Variants in ATAD3B observed in about 807,000 individuals in gnomAD.
ATAD3B encodes the protein ATPase family AAA domain-containing protein 3B.
A neutral mutation model predicts 70.2 loss-of-function variants in ATAD3B; 59 were observed. The observed-to-expected ratio is 0.84, with a 90% CI of 0.68 to 1.04. The LOEUF is 1.04. ATAD3B is among the 50% of genes least tolerant of loss of function. The pLI is 0.00. For missense variants in ATAD3B, 961 were observed against 913.4 expected, an observed-to-expected ratio of 1.05 and a Z score of -0.67; for synonymous variants, 423 against 388.6, an observed-to-expected ratio of 1.09 and a Z score of -1.04.
At chr1:1,498,704 G>A (rs548551441), downstream of ATAD3B, among the ~76,000 whole-genome samples, 92 of 151,300 alleles carry the variant, frequency 6.1e-4, 1 homozygote, top group African/African-American at 2.2e-3. Flanking sequence ...CACCGCGCCC[G>A]GCCTGTTTGT....
In ATAD3B at chr1:1,495,778, C is replaced by T. The variant is rs777093904; in HGVS notation, c.1908C>T (p.Gly636=). ...TGTCCCCCAGGATGTCTTGTGGTGG[C>T]GGTCGGCCGTTCTGCCCCCCAGGGC... The part of the protein sequence containing the change: ...GPLSPRMSCG[G]GRPFCPPGHP... The change falls in exon 16 of 16, where the codon GGC becomes GGT. Residue 636 remains glycine, a synonymous_variant. Transcript: ENST00000673477. 2.3e-5 allele frequency: 37 copies of T among 1,602,346 alleles called. No homozygotes were observed. Among genetic ancestry groups the T allele is most frequent in the Admixed American group, 6.8e-5 (4 of 59,046 alleles).
rs1303514252 is a variant in ATAD3B at position 1,479,088 on chromosome 1, G to A, written c.424G>A (p.Glu142Lys). ...AGACAAGCTGGCCCGGCAGCGCTAC[G>A]AGGACCAACTGAAGCAGCAGGTGAG... ...YQDKLARQRY[E>K]DQLKQQQLLN... is the part of the protein sequence containing the mutation. The change falls in exon 4 of 16, where the codon GAG (glutamate) becomes AAG (lysine). Residue 142 changes from glutamate (E) to lysine (K), a missense_variant. Glu to Lys is a moderately conservative substitution (Grantham distance 56, BLOSUM62 1). Coordinates refer to ENST00000673477, the MANE Select transcript of ATAD3B (RefSeq NM_031921.6). 4 of 1,321,168 alleles carry A rather than the reference G, an allele frequency of 3.0e-6. No individual in the cohort carries two copies. The highest frequency in any genetic ancestry group is 4.1e-6 in the Non-Finnish European group (4 of 974,478). 81.8% of individuals were successfully genotyped at this position (1,321,168 alleles called of 1,614,324 possible).
At chr1:1,480,586 C>T (rs1256368041) in intron 4 of ATAD3B, among the ~76,000 whole-genome samples, 6 of 147,588 alleles carry the variant, frequency 4.1e-5, no homozygotes, top group African/African-American at 1.5e-4. Context: ...TGAATCAGGG[C>T]AGTGGTGTTG....
intron 13 of ATAD3B, 164 bp from the exon 14 acceptor site, chr1:1,490,093 G>T (rs370172113): frequency 7.0e-7 from 1 of 1,426,730 alleles, no homozygotes; most frequent in South Asian, 1.5e-5. Context: ...AGGCAGGCGG[G>T]TGACCAGGGC....
chr1:1,499,511 C>T (rs1052099066), downstream of ATAD3B, among the ~76,000 whole-genome samples: 17 of 151,114 alleles, frequency 1.1e-4, no homozygotes, highest in Non-Finnish European at 2.2e-4. Context: ...GGATTACAGG[C>T]GTGAGCCACC....
At chr1:1,506,439 C>G in the ATAD3B span, among the ~76,000 whole-genome samples, 1 of 150,744 alleles carries the variant, frequency 6.6e-6, no homozygotes, top group Non-Finnish European at 1.5e-5. Flanking sequence ...GAGTCTCACT[C>G]TGTCACCCAG....
At chr1:1,500,935 C>G (rs371871517), downstream of ATAD3B, among the ~76,000 whole-genome samples, 1 of 152,032 alleles carries the variant, frequency 6.6e-6, no homozygotes, top group African/African-American at 2.4e-5. Flanking sequence ...GCAGCCTGGG[C>G]GACAGAGTGA....
In ATAD3B at chr1:1,490,857, T is replaced by C. The variant is rs150802031; in HGVS notation, c.1614+186T>C. Among the ~76,000 whole-genome samples, 165 of 152,140 alleles carry C rather than the reference T, an allele frequency of 1.1e-3. 3 individuals are homozygous for C. The highest frequency in any genetic ancestry group is 1.9e-3 in the Non-Finnish European group (132 of 67,944). On this transcript the variant is annotated intron_variant, in intron 15 of 15. Coordinates refer to ENST00000673477, the MANE Select transcript of ATAD3B (RefSeq NM_031921.6). ...ACTCCACGCAGCAGCGTGCACCTGC[T>C]CGTGCCCTCAGGAGGGTGGGGCCAT...
At position 1,497,828 on chromosome 1, in the gene ATAD3B, T is replaced by G. The variant is rs1640839875; in HGVS notation, c.*2011T>G. 7.0e-6 allele frequency: 1 copy of G among 143,080 alleles called. No homozygotes were observed. The highest frequency in any genetic ancestry group is 1.5e-5 in the Non-Finnish European group (1 of 66,972). The allele number at this position is 143,080 out of a possible 1,614,324, so 8.9% of individuals were successfully genotyped here. A position where few individuals can be genotyped will look rare whatever the true frequency, so the allele number is the denominator to read the frequency against. ...TTGCAGTGAGCCGAGATCACGCCAC[T>G]GCACTCCGGCCTGGGCAACAGAACT... On this transcript the variant is annotated 3_prime_UTR_variant, in exon 16 of 16. Transcript: ENST00000673477.
chr1:1,509,393 C>T, the ATAD3B span: 1 of 1,600,558 alleles, frequency 6.2e-7, no homozygotes, highest in Non-Finnish European at 8.5e-7. Flanking sequence ...GGCCGCGGAC[C>T]CCTCCCACCC....
chr1:1,504,323 A>C, the ATAD3B span, among the ~76,000 whole-genome samples: 1 of 151,794 alleles, frequency 6.6e-6, no homozygotes, highest in Non-Finnish European at 1.5e-5. Flanking sequence ...CGGGGTTCAC[A>C]TGTTGCCTGT....
At chr1:1,484,991 C>T (rs1226143507) in intron 7 of ATAD3B, 25 bp from the exon 8 acceptor site, 20 of 1,591,734 alleles carry the variant, frequency 1.3e-5, no homozygotes, top group Admixed American at 5.2e-5. Context: ...GGGGCCGGTG[C>T]GCCAGTGCGG....
Position 1,495,370 on chromosome 1 carries a change from C to G in ATAD3B, c.1615-115C>G, listed in dbSNP as rs966282051. The G allele has an allele frequency of 1.4e-5, 19 of 1,389,554 alleles. No homozygotes were observed. The East Asian group carries it at 1.9e-4, about 14-fold the overall frequency. The allele number at this position is 1,389,554 out of a possible 1,614,324, so 86.1% of individuals were successfully genotyped here. A position where few individuals can be genotyped will look rare whatever the true frequency, so the allele number is the denominator to read the frequency against. ...AAGGTGTGGGAAGCCTGTGTTTCAC[C>G]CTGAGGTTGTCCTGGTGCCCCTGGT... On this transcript the variant is annotated intron_variant, in intron 15 of 15. Transcript: ENST00000673477.
At chr1:1,505,829 A>G in the ATAD3B span, among the ~76,000 whole-genome samples, 2 of 152,196 alleles carry the variant, frequency 1.3e-5, no homozygotes, top group Non-Finnish European at 2.9e-5. Context: ...ATGATGAATG[A>G]TATTCATATA....
chr1:1,509,379 G>A, the ATAD3B span: 34 of 1,604,052 alleles, frequency 2.1e-5, no homozygotes, highest in Admixed American at 1.0e-4. Context: ...ACCTCACGGA[G>A]CCTGGCCGCG....
rs1470918153 is a variant in ATAD3B at position 1,496,270 on chromosome 1, C to A, written c.*453C>A. ...GGGCGCCCTAGCGTCCTCCTGGGGT[C>A]AAAGGTGACATAAGAGGCAGAGGCT... On this transcript the variant is annotated 3_prime_UTR_variant, in exon 16 of 16. Transcript: ENST00000673477. The A allele has an allele frequency of 1.0e-6, 1 of 984,236 alleles. No homozygotes were observed. Among genetic ancestry groups the A allele is most frequent in the Non-Finnish European group, 1.2e-6 (1 of 827,164 alleles). The allele number at this position is 984,236 out of a possible 1,614,324, so 61.0% of individuals were successfully genotyped here. A position where few individuals can be genotyped will look rare whatever the true frequency, so the allele number is the denominator to read the frequency against.
intron 15 of ATAD3B, among the ~76,000 whole-genome samples, chr1:1,493,831 TTTG>T (rs1175449227): frequency 6.6e-6 from 1 of 151,878 alleles, no homozygotes; most frequent in Non-Finnish European, 1.5e-5. Flanking sequence ...TTGCTGGCAT[TTTG>T]TTGAGGACTT....
Position 1,474,046 on chromosome 1 carries a change from G to A in ATAD3B, c.205+1957G>A, listed in dbSNP as rs145284785. On this transcript the variant is annotated intron_variant, in intron 1 of 15. Coordinates refer to ENST00000673477, the MANE Select transcript of ATAD3B (RefSeq NM_031921.6). ...TGGATAGTCCTAGCTGGGCACCACCGACAGTGCGTGTTCTGTTTTGAAGAG... is the reference window on the plus strand; with the variant it reads ...TGGATAGTCCTAGCTGGGCACCACCAACAGTGCGTGTTCTGTTTTGAAGAG... Among the ~76,000 whole-genome samples, 384 of 152,064 alleles carry A rather than the reference G, an allele frequency of 2.5e-3. 4 individuals carry two copies. Among genetic ancestry groups the A allele is most frequent in the African/African-American group, 8.7e-3 (363 of 41,508 alleles).
rs200889111 is a variant in ATAD3B at position 1,482,216 on chromosome 1, A to G, written c.593A>G (p.Lys198Arg). The G allele has an allele frequency of 5.2e-4, 831 of 1,611,218 alleles. 15 individuals are homozygous for G. The highest frequency in any genetic ancestry group is 4.0e-4 in the Non-Finnish European group (466 of 1,179,284). ...GAGACCGAGGCCCGGGCGCGCGCCAAGGCCGAGCGGGAGAATGCAGACATC... is the reference window on the plus strand; with the variant it reads ...GAGACCGAGGCCCGGGCGCGCGCCAGGGCCGAGCGGGAGAATGCAGACATC... ...RVETEARARA[K>R]AERENADIIR... Residue 198 changes from lysine to arginine, a missense_variant, in exon 6 of 16, where the codon AAG (lysine) becomes AGG (arginine). Physicochemically the swap from Lys to Arg is conservative, Grantham distance 26 (BLOSUM62 2). Transcript: ENST00000673477.
Sources: allele counts gnomAD v4.1 joint callset (sites outside exome capture counted in the v4.1 genomes callset), GRCh38; gene constraint gnomAD v4.1.1; transcripts MANE v1.5; gene names NCBI Gene and HGNC (gene_info 2026-07-23, HGNC 2026-07-21).